LPXN: variants seen among roughly 807,000 people sequenced by gnomAD.
LPXN encodes leupaxin.
A neutral mutation model predicts 45.6 loss-of-function variants in LPXN; 28 were observed. The ratio of observed to expected loss-of-function variants is 0.61; its 90% CI spans 0.45 to 0.84. The LOEUF is 0.84. Ranked by LOEUF, LPXN falls within the 40% of genes least tolerant of loss-of-function variation. The pLI, the probability that LPXN is intolerant of heterozygous loss-of-function variation, is 0.00. For synonymous variants in LPXN, 166 were observed against 169.9 expected (o/e 0.98, Z 0.18); for missense variants, 459 against 475.0 (o/e 0.97, Z 0.31).
chr11:58,554,898 C>G lies in LPXN; in HGVS notation c.261G>C (p.Thr87=), dbSNP rs759389327. Residue 87 remains threonine, a synonymous_variant, in exon 4 of 9, where the codon ACG becomes ACC. Transcript: ENST00000395074. ...EPKESPPPSK[T]SAAAQLDELM... is the part of the protein sequence containing the mutation. Reference sequence around the variant, plus strand: ...GCTCATCCAACTGAGCAGCTGCTGACGTTTTAGAAGGTGGTGGTGATTCCT... The same window carrying G: ...GCTCATCCAACTGAGCAGCTGCTGAGGTTTTAGAAGGTGGTGGTGATTCCT... 4 of 1,613,868 alleles carry G rather than the reference C, an allele frequency of 2.5e-6. No homozygotes were observed. The South Asian group carries it at 3.3e-5, about 13-fold the overall frequency.
chr11:58,527,844 A>G, intron 8 of LPXN, 121 bp from the exon 9 acceptor site: 2 of 1,175,626 alleles, frequency 1.7e-6, no homozygotes, highest in Non-Finnish European at 2.4e-6. Context: ...AATTTCCCTC[A>G]GGTTCTTGAC....
chr11:58,527,985 C>T lies in LPXN; in HGVS notation c.891+58G>A, dbSNP rs1040568868. ...CCTTTCACTAACTGCAGCTCTTCCT[C>T]TCAGAGAGGAGAACCCTTGACTTTC... is the stretch of plus-strand genomic sequence containing the variant. On this transcript the variant is annotated intron_variant, in intron 8 of 8. Coordinates refer to ENST00000395074, the MANE Select transcript of LPXN (RefSeq NM_004811.3). The T allele has an allele frequency of 2.9e-5, 45 of 1,568,712 alleles. No individual in the cohort carries two copies. The Middle Eastern group carries it at 1.9e-3, about 66-fold the overall frequency.
At chr11:58,531,891 C>G (rs1252609952) in intron 7 of LPXN, among the ~76,000 whole-genome samples, 1 of 152,224 alleles carries the variant, frequency 6.6e-6, no homozygotes, top group Non-Finnish European at 1.5e-5. Flanking sequence ...TGTGGGAGCC[C>G]CACTCTGGGC....
intron 3 of LPXN, among the ~76,000 whole-genome samples, chr11:58,555,740 ACACACACACACACACACTCACACACATG>A (rs1375311487): frequency 2.5e-5 from 2 of 78,460 alleles, no homozygotes; most frequent in African/African-American, 3.8e-5. Flanking sequence ...AGCAATGAAA[ACACACACACACACACACTCACACACATG>A]CACACACACA....
At chr11:58,545,783 A>T (rs1442709207) in intron 7 of LPXN, among the ~76,000 whole-genome samples, 1 of 152,180 alleles carries the variant, frequency 6.6e-6, no homozygotes, top group African/African-American at 2.4e-5. Flanking sequence ...CAGAAATGAT[A>T]CCCAAGTTGA....
rs1442648927 is a variant in LPXN, at chr11:58,572,635, T to C, written c.14-1922A>G. 2.6e-5 allele frequency among the ~76,000 whole-genome samples: 4 copies of C among 152,238 alleles called. No homozygotes were observed. In the East Asian group the frequency reaches 7.7e-4, roughly 29 times the overall value. On this transcript the variant is annotated intron_variant, in intron 1 of 8. Coordinates refer to ENST00000395074, the MANE Select transcript of LPXN (RefSeq NM_004811.3). The stretch of plus-strand genomic sequence containing the variant: ...ATAATATTAATTAATTCTGTTAAGT[T>C]TTTAGGTGTGATAATGGTATTTTAC...
intron 4 of LPXN, 88 bp downstream of exon 4, chr11:58,554,753 C>A: frequency 1.1e-6 from 1 of 949,178 alleles, no homozygotes; most frequent in South Asian, 1.8e-5. Flanking sequence ...AGCTGAGTTC[C>A]ACAAAGATAA....
rs989068018 is a variant in LPXN, at chr11:58,538,175, A to T, written c.743-9984T>A. ...ATTTTCTTAATCCAGTCTATCACTG[A>T]TGGACATTTGGGTTGGTTCCAAGTC... On this transcript the variant is annotated intron_variant, in intron 7 of 8. Transcript: ENST00000395074. Among the ~76,000 whole-genome samples, 12 of 152,166 alleles carry T rather than the reference A, an allele frequency of 7.9e-5. No homozygotes were observed. In the East Asian group the frequency reaches 9.6e-4, roughly 12 times the overall value.
At chr11:58,576,253 G>A (rs1438308271), upstream of LPXN, among the ~76,000 whole-genome samples, 3 of 151,820 alleles carry the variant, frequency 2.0e-5, no homozygotes, top group African/African-American at 7.3e-5. Flanking sequence ...GAGTTGACCA[G>A]CATCCATTTC....
At chr11:58,574,653 C>T (rs914015874) in intron 1 of LPXN, among the ~76,000 whole-genome samples, 6 of 152,126 alleles carry the variant, frequency 3.9e-5, no homozygotes, top group Non-Finnish European at 4.4e-5. Context: ...CCAGCACTCA[C>T]GTAGGATAAG....
At chr11:58,531,074 T>C (rs767433725) in intron 7 of LPXN, among the ~76,000 whole-genome samples, 3 of 151,976 alleles carry the variant, frequency 2.0e-5, no homozygotes, top group African/African-American at 7.2e-5. Context: ...AGACCAAACG[T>C]AGAAACACTC....
intron 2 of LPXN, among the ~76,000 whole-genome samples, chr11:58,569,978 A>G (rs1854635877): frequency 6.6e-6 from 1 of 151,622 alleles, no homozygotes; most frequent in Admixed American, 6.6e-5. Flanking sequence ...TGAATGCAAT[A>G]CTCTGCCTGT....
intron 3 of LPXN, among the ~76,000 whole-genome samples, chr11:58,559,335 A>G (rs1209673763): frequency 1.3e-5 from 2 of 152,158 alleles, no homozygotes; most frequent in African/African-American, 2.4e-5. Flanking sequence ...CAATTTTGCT[A>G]CTAAGAATCT....
At chr11:58,559,275 T>C (rs866177072) in intron 3 of LPXN, among the ~76,000 whole-genome samples, 26 of 152,108 alleles carry the variant, frequency 1.7e-4, no homozygotes, top group African/African-American at 5.8e-4. Context: ...TAAACACTTT[T>C]GCAAGGCAGT....
At chr11:58,558,602 T>C (rs1170790065) in intron 3 of LPXN, among the ~76,000 whole-genome samples, 1 of 77,728 alleles carries the variant, frequency 1.3e-5, no homozygotes, top group East Asian at 3.6e-4. Flanking sequence ...GAAAAACAAA[T>C]AGGTCAAAGG....
At chr11:58,531,855 AG>A (rs931437817) in intron 7 of LPXN, among the ~76,000 whole-genome samples, 4 of 152,238 alleles carry the variant, frequency 2.6e-5, no homozygotes, top group Non-Finnish European at 5.9e-5. Context: ...GCCACGCTTG[AG>A]GAGCCCTTCA....
In LPXN at chr11:58,527,067, A is replaced by G. The variant is rs1358072095; in HGVS notation, c.*387T>C. On this transcript the variant is annotated 3_prime_UTR_variant, in exon 9 of 9. Transcript: ENST00000395074. ...TGGGAAAACGTGAAAAGAAACAAGT[A>G]TCAGGACCAAATTAGAGAAGATATG... is the stretch of plus-strand genomic sequence containing the variant. 2.3e-5 allele frequency: 4 copies of G among 172,410 alleles called. No individual in the cohort carries two copies. The highest frequency in any genetic ancestry group is 7.1e-5 in the African/African-American group (3 of 42,040). The allele number at this position is 172,410 out of a possible 1,614,324, so 10.7% of individuals were successfully genotyped here.
At chr11:58,561,065 A>C (rs1854360325) in intron 3 of LPXN, among the ~76,000 whole-genome samples, 1 of 152,222 alleles carries the variant, frequency 6.6e-6, no homozygotes, top group Non-Finnish European at 1.5e-5. Context: ...TGTAATCAAC[A>C]TTAATCAACA....
intron 1 of LPXN, among the ~76,000 whole-genome samples, 164 bp downstream of exon 1, chr11:58,575,596 T>C (rs889862932): frequency 2.6e-5 from 4 of 152,186 alleles, no homozygotes; most frequent in African/African-American, 7.2e-5. Context: ...AAAACAATCA[T>C]AGTTCCTCAT....
Sources: gnomAD v4.1 joint callset for allele counts (sites outside exome capture counted in the v4.1 genomes callset) on GRCh38, gnomAD v4.1.1 for gene constraint, MANE v1.5 for transcripts, NCBI Gene and HGNC (gene_info 2026-07-23, HGNC 2026-07-21) for gene names.